Variants in FNBP1L observed in about 807,000 individuals in gnomAD.
FNBP1L encodes formin-binding protein 1-like.
FNBP1L carries 36 observed loss-of-function variants against 91.2 expected under a neutral mutation model. The ratio of observed to expected loss-of-function variants is 0.39; its 90% CI spans 0.30 to 0.52. The LOEUF (loss-of-function observed/expected upper bound fraction) is 0.52. Ranked by LOEUF, FNBP1L falls within the 20% of genes least tolerant of loss-of-function variation. FNBP1L has a pLI of 0.66. For missense variants in FNBP1L, 571 were observed against 732.1 expected (o/e 0.78, Z 2.54); for synonymous variants, 242 against 237.0 (o/e 1.02, Z -0.19).
At chr1:93,535,017 A>T (rs1415266907) in intron 9 of FNBP1L, 109 bp downstream of exon 9, 1 of 844,440 alleles carries the variant, frequency 1.2e-6, no homozygotes, top group Admixed American at 2.8e-5. Context: ...AAATATTTTC[A>T]ATTTGAATGA....
intron 2 of FNBP1L, among the ~76,000 whole-genome samples, chr1:93,517,388 A>G (rs1024208379): frequency 5.3e-5 from 8 of 152,016 alleles, no homozygotes; most frequent in Non-Finnish European, 8.8e-5. Flanking sequence ...TGCAGTGGCA[A>G]CGATCATAGC....
intron 1 of FNBP1L, among the ~76,000 whole-genome samples, chr1:93,468,636 G>T (rs1382260590): frequency 1.3e-5 from 2 of 152,106 alleles, no homozygotes; most frequent in African/African-American, 4.8e-5. Flanking sequence ...TTGCCATGTT[G>T]CCCAGGCTGG....
chr1:93,462,277 C>G (rs546458910), intron 1 of FNBP1L, among the ~76,000 whole-genome samples: 4 of 151,244 alleles, frequency 2.6e-5, no homozygotes, highest in Non-Finnish European at 4.4e-5. Context: ...CCTGGAGTTA[C>G]TTTTTTTTTA....
chr1:93,495,047 G>A (rs1332913988), intron 1 of FNBP1L, among the ~76,000 whole-genome samples: 18 of 152,088 alleles, frequency 1.2e-4, no homozygotes, highest in Admixed American at 1.2e-3. Flanking sequence ...ATTTGGGTGG[G>A]GACACAGCCA....
At chr1:93,457,345 A>G (rs931126268) in intron 1 of FNBP1L, among the ~76,000 whole-genome samples, 2 of 152,186 alleles carry the variant, frequency 1.3e-5, no homozygotes, top group Non-Finnish European at 2.9e-5. Flanking sequence ...TGTGAGACTC[A>G]TCCTTCCGTG....
At chr1:93,460,163 G>A (rs1163345087) in intron 1 of FNBP1L, among the ~76,000 whole-genome samples, 2 of 152,186 alleles carry the variant, frequency 1.3e-5, no homozygotes, top group Non-Finnish European at 2.9e-5. Flanking sequence ...AAGCAGTGGG[G>A]CCTTTAAGAA....
chr1:93,530,951 C>T (rs1248368594), intron 7 of FNBP1L, 68 bp downstream of exon 7: 23 of 1,259,692 alleles, frequency 1.8e-5, no homozygotes, highest in Non-Finnish European at 2.3e-5. Context: ...ACTTGTAAGT[C>T]TTAGACATCA....
intron 1 of FNBP1L, among the ~76,000 whole-genome samples, chr1:93,472,912 A>G (rs1669350210): frequency 6.8e-6 from 1 of 147,878 alleles, no homozygotes; most frequent in Non-Finnish European, 1.5e-5. Context: ...TTATCGTGCT[A>G]TTCTCTGTGG....
intron 1 of FNBP1L, among the ~76,000 whole-genome samples, chr1:93,493,810 A>G (rs1175237450): frequency 3.3e-5 from 5 of 152,182 alleles, no homozygotes; most frequent in African/African-American, 4.8e-5. Flanking sequence ...TATGATATGA[A>G]TATGGGTTAC....
chr1:93,534,646 A>G lies in FNBP1L; in HGVS notation c.787-59A>G, dbSNP rs1449320493. 5 of 1,151,980 alleles carry G rather than the reference A, an allele frequency of 4.3e-6. No individual in the cohort carries two copies. In the South Asian group the frequency reaches 8.5e-5, roughly 19 times the overall value. The allele number at this position is 1,151,980 out of a possible 1,614,324, so 71.4% of individuals were successfully genotyped here. On this transcript the variant is annotated intron_variant, in intron 8 of 16. Coordinates refer to ENST00000271234, the MANE Select transcript of FNBP1L (RefSeq NM_001164473.3). ...TTTTTTGTACTGAAAAAGTTATGAA[A>G]GCTGATGTAGAATTATGAGCAAGTG...
At chr1:93,499,620 T>C in intron 2 of FNBP1L, 37 bp downstream of exon 2, 1 of 1,241,216 alleles carries the variant, frequency 8.1e-7, no homozygotes, top group Non-Finnish European at 1.1e-6. Flanking sequence ...AGAATGAAAT[T>C]ACATGTTTAA....
At chr1:93,530,705 A>G in intron 6 of FNBP1L, 50 bp from the exon 7 acceptor site, 2 of 1,558,906 alleles carry the variant, frequency 1.3e-6, no homozygotes, top group Admixed American at 2.0e-5. Flanking sequence ...CAAAAAAGTG[A>G]ATTGCTGTGA....
At position 93,554,015 on chromosome 1, in the gene FNBP1L, G is replaced by C. The variant is rs1233060803; in HGVS notation, c.*1599G>C. On this transcript the variant is annotated 3_prime_UTR_variant, in exon 17 of 17. Transcript: ENST00000271234. ...GAATCATACTACCCGTTATACTAAA[G>C]CTGAATGACAATTGTGTGAAAGTTA... is the stretch of plus-strand genomic sequence containing the variant. The C allele has an allele frequency of 6.6e-6, 1 of 152,624 alleles. No homozygotes were observed. Among genetic ancestry groups the C allele is most frequent in the Non-Finnish European group, 1.5e-5 (1 of 68,040 alleles). The allele number at this position is 152,624 out of a possible 1,614,324, so 9.5% of individuals were successfully genotyped here.
At chr1:93,449,107 C>T (rs1475670641) in intron 1 of FNBP1L, among the ~76,000 whole-genome samples, 2 of 152,256 alleles carry the variant, frequency 1.3e-5, no homozygotes, top group Non-Finnish European at 2.9e-5. Context: ...CTCACTTGTT[C>T]TTTCTCCTTC....
Position 93,547,445 on chromosome 1 carries a change from A to AT in FNBP1L, c.1502+10dup, listed in dbSNP as rs775078378. On this transcript the variant is annotated splice_donor_region_variant and intron_variant, in intron 14 of 16. Transcript: ENST00000271234. ...TTGTAACACAGGGACGAGAAAGGTG[A>AT]TTTTTTGTATTTTATTTGTATTTCT... 4.9e-5 allele frequency: 76 copies of AT among 1,547,306 alleles called. No individual in the cohort carries two copies. Among genetic ancestry groups the AT allele is most frequent in the Non-Finnish European group, 5.9e-5 (67 of 1,143,744 alleles).
At chr1:93,482,589 A>G (rs966620792) in intron 1 of FNBP1L, among the ~76,000 whole-genome samples, 2 of 152,170 alleles carry the variant, frequency 1.3e-5, no homozygotes, top group Non-Finnish European at 2.9e-5. Flanking sequence ...GTAATGATTT[A>G]TTGAAATGAA....
rs373969389 is a variant in FNBP1L at position 93,553,449 on chromosome 1, A to G, written c.*1033A>G. The stretch of plus-strand genomic sequence containing the variant: ...TAGGTGGCTATTAGAGCTCTACCAT[A>G]TACAGTGGTGCATCTTCAAATTTAT... On this transcript the variant is annotated 3_prime_UTR_variant, in exon 17 of 17. Coordinates refer to ENST00000271234, the MANE Select transcript of FNBP1L (RefSeq NM_001164473.3). 3.3e-5 allele frequency: 5 copies of G among 152,756 alleles called. No homozygotes were observed. The highest frequency in any genetic ancestry group is 1.2e-4 in the African/African-American group (5 of 41,574). The allele number at this position is 152,756 out of a possible 1,614,324, so 9.5% of individuals were successfully genotyped here. A position where few individuals can be genotyped will look rare whatever the true frequency, so the allele number is the denominator to read the frequency against.
chr1:93,535,298 CCTA>C (rs1671808453), intron 9 of FNBP1L, among the ~76,000 whole-genome samples: 1 of 152,008 alleles, frequency 6.6e-6, no homozygotes, highest in Non-Finnish European at 1.5e-5. Flanking sequence ...TTTTATAGAT[CCTA>C]CTACTAAAAT....
chr1:93,462,381 T>G (rs1336891637), intron 1 of FNBP1L, among the ~76,000 whole-genome samples: 1 of 152,178 alleles, frequency 6.6e-6, no homozygotes, highest in East Asian at 1.9e-4. Flanking sequence ...CTCCTATTAT[T>G]AACATCCTAC....
Sources: allele counts gnomAD v4.1 joint callset (sites outside exome capture counted in the v4.1 genomes callset), GRCh38; gene constraint gnomAD v4.1.1; transcripts MANE v1.5; gene names NCBI Gene and HGNC (gene_info 2026-07-23, HGNC 2026-07-21).